The following NRG3 variants were observed in gnomAD, a reference collection of about 807,000 sequenced individuals.
NRG3 encodes the protein neuregulin 3.
A neutral mutation model predicts 66.9 loss-of-function variants in NRG3; 31 were observed. The observed-to-expected ratio is 0.46, with a 90% CI of 0.35 to 0.63. The LOEUF is 0.63. Among genes scored for constraint, NRG3 ranks in the 20% least tolerant of loss-of-function variants. The pLI, the probability that NRG3 is intolerant of heterozygous loss-of-function variation, is 0.00. For synonymous variants in NRG3, 393 were observed against 359.4 expected (o/e 1.09, Z -1.06); for missense variants, 910 against 878.9 (o/e 1.04, Z -0.45).
rs549822791 is a variant in NRG3, at chr10:82,381,896, G to A, written c.953+23028G>A. Among the ~76,000 whole-genome samples, 63 of 152,196 alleles carry A rather than the reference G, an allele frequency of 4.1e-4. 1 individual carries two copies. Among genetic ancestry groups the A allele is most frequent in the East Asian group, 3.9e-4 (2 of 5,174 alleles). ...CTTGTGTTAACGTGTTGCTTATCAC[G>A]TGAGTTTTTGTATGTGTGTGTACTT... On this transcript the variant is annotated intron_variant, in intron 2 of 8. Coordinates refer to ENST00000372141, the MANE Select transcript of NRG3 (RefSeq NM_001010848.4).
intron 1 of NRG3, among the ~76,000 whole-genome samples, chr10:82,020,960 G>A (rs2062030945): frequency 6.6e-6 from 1 of 152,062 alleles, no homozygotes; most frequent in African/African-American, 2.4e-5. Context: ...ATCACTGTTG[G>A]AAAGGAATAT....
chr10:82,460,633 A>G (rs1297973624), intron 2 of NRG3, among the ~76,000 whole-genome samples: 1 of 152,176 alleles, frequency 6.6e-6, no homozygotes, highest in Non-Finnish European at 1.5e-5. Context: ...TTCTCTTCTT[A>G]GCTACACGTG....
At chr10:82,334,136 CAAAAAAAA>C (rs34320765) in intron 1 of NRG3, among the ~76,000 whole-genome samples, 127 of 89,904 alleles carry the variant, frequency 1.4e-3, no homozygotes, top group Admixed American at 4.9e-3. Context: ...CATGGCGTCT[CAAAAAAAA>C]AAAAAAAAAA....
In NRG3 at chr10:82,004,289, G is replaced by T. The variant is rs2061297522; in HGVS notation, c.823+128126G>T. 2.0e-5 allele frequency among the ~76,000 whole-genome samples: 3 copies of T among 152,074 alleles called. No homozygotes were observed. The South Asian group carries it at 6.2e-4, about 31-fold the overall frequency. ...TAATATAAAATGTATTTCTTCACGTGAATTACGGTTTTAAAATTTGAAGGC... is the reference window on the plus strand; with the variant it reads ...TAATATAAAATGTATTTCTTCACGTTAATTACGGTTTTAAAATTTGAAGGC... On this transcript the variant is annotated intron_variant, in intron 1 of 8. Coordinates refer to ENST00000372141, the MANE Select transcript of NRG3 (RefSeq NM_001010848.4).
chr10:82,145,562 G>A (rs2070182116), intron 1 of NRG3, among the ~76,000 whole-genome samples: 1 of 152,102 alleles, frequency 6.6e-6, no homozygotes, highest in Non-Finnish European at 1.5e-5. Flanking sequence ...TTTTCTTATT[G>A]ATATGTTAAT....
intron 2 of NRG3, among the ~76,000 whole-genome samples, chr10:82,530,171 T>G (rs187600504): frequency 6.6e-6 from 1 of 152,126 alleles, no homozygotes; most frequent in Admixed American, 6.6e-5. Context: ...TACTTGTTTC[T>G]TTTTCACAGT....
In NRG3 at chr10:82,361,542, A is replaced by G. The variant is rs565262025; in HGVS notation, c.953+2674A>G. On this transcript the variant is annotated intron_variant, in intron 2 of 8. Transcript: ENST00000372141. ...ATTTTGTACAGCACTCTATTTAAGTAGTATGTTTCAGTCATACTCCTATTC... is the reference window on the plus strand; with the variant it reads ...ATTTTGTACAGCACTCTATTTAAGTGGTATGTTTCAGTCATACTCCTATTC... Among the ~76,000 whole-genome samples the G allele has an allele frequency of 9.2e-5, 14 of 152,348 alleles. No homozygotes were observed. In the South Asian group the frequency reaches 2.7e-3, roughly 29 times the overall value.
intron 1 of NRG3, among the ~76,000 whole-genome samples, chr10:82,223,486 G>A (rs1042350220): frequency 1.2e-4 from 18 of 152,114 alleles, no homozygotes; most frequent in African/African-American, 1.9e-4. Context: ...CACCTTGGCC[G>A]CTTTTCCCCC....
intron 1 of NRG3, among the ~76,000 whole-genome samples, chr10:82,170,654 G>GTATATATATA (rs370773918): frequency 7.5e-4 from 56 of 74,180 alleles, no homozygotes; most frequent in Non-Finnish European, 8.6e-4. Flanking sequence ...AAAACTTGTG[G>GTATATATATA]TATATATATA....
intron 2 of NRG3, among the ~76,000 whole-genome samples, chr10:82,729,372 A>G (rs2057777523): frequency 6.6e-6 from 1 of 152,194 alleles, no homozygotes; most frequent in Non-Finnish European, 1.5e-5. Context: ...GTATGATATT[A>G]AAATTATGAA....
chr10:82,229,009 C>T (rs1200423271), intron 1 of NRG3: 3 of 152,222 alleles, frequency 2.0e-5, no homozygotes, highest in South Asian at 2.1e-4. Context: ...ATCTCTCTCT[C>T]GCCTGGGGAG....
At chr10:81,960,673 C>A (rs7101244) in intron 1 of NRG3, among the ~76,000 whole-genome samples, 2 of 150,926 alleles carry the variant, frequency 1.3e-5, no homozygotes, top group Non-Finnish European at 3.0e-5. Context: ...AAGAGACATA[C>A]GAGATTTCCT....
At chr10:82,258,654 C>T (rs778593436) in intron 1 of NRG3, among the ~76,000 whole-genome samples, 2 of 152,108 alleles carry the variant, frequency 1.3e-5, no homozygotes, top group Non-Finnish European at 2.9e-5. Flanking sequence ...AAAGACACAT[C>T]GAGTGCCAGC....
At chr10:82,415,617 T>C (rs1458191240) in intron 2 of NRG3, among the ~76,000 whole-genome samples, 2 of 152,160 alleles carry the variant, frequency 1.3e-5, no homozygotes, top group Non-Finnish European at 2.9e-5. Flanking sequence ...ATTTTTCCCT[T>C]AATTATCCAA....
intron 4 of NRG3, among the ~76,000 whole-genome samples, chr10:82,945,762 A>C (rs1848961425): frequency 6.6e-6 from 1 of 152,334 alleles, no homozygotes; most frequent in African/African-American, 2.4e-5. Context: ...CCCACTTCTT[A>C]GTACTGTTAC....
At chr10:82,258,575 T>G (rs2077858868) in intron 1 of NRG3, among the ~76,000 whole-genome samples, 1 of 152,246 alleles carries the variant, frequency 6.6e-6, no homozygotes, top group Non-Finnish European at 1.5e-5. Context: ...ATGGTGGAGT[T>G]ACTTGTTTGA....
At chr10:82,664,585 G>C (rs998721880) in intron 2 of NRG3, among the ~76,000 whole-genome samples, 1 of 152,114 alleles carries the variant, frequency 6.6e-6, no homozygotes, top group South Asian at 2.1e-4. Flanking sequence ...AGCAGCTTGG[G>C]GTTTAGTCTT....
At chr10:82,717,625 G>A (rs184908252) in intron 2 of NRG3, among the ~76,000 whole-genome samples, 33 of 152,002 alleles carry the variant, frequency 2.2e-4, no homozygotes, top group Admixed American at 5.9e-4. Context: ...TCGGGGTCTT[G>A]ATCTCCTGAC....
At chr10:82,411,039 C>T (rs1444653061) in intron 2 of NRG3, among the ~76,000 whole-genome samples, 1 of 152,098 alleles carries the variant, frequency 6.6e-6, no homozygotes, top group South Asian at 2.1e-4. Context: ...GCCTCAGGCT[C>T]CTGAGCAGCT....
Sources: gnomAD v4.1 joint callset for allele counts (sites outside exome capture counted in the v4.1 genomes callset) on GRCh38, gnomAD v4.1.1 for gene constraint, MANE v1.5 for transcripts, NCBI Gene and HGNC (gene_info 2026-07-23, HGNC 2026-07-21) for gene names.